The following SLC36A2 variants were observed in gnomAD, a reference collection of about 807,000 sequenced individuals.
SLC36A2 encodes proton-coupled amino acid transporter 2.
A neutral mutation model predicts 42.7 loss-of-function variants in SLC36A2; 39 were observed. The observed-to-expected ratio is 0.91, with a 90% confidence interval of 0.71 to 1.19. The LOEUF is 1.19. SLC36A2 is among the 50% of genes most tolerant of loss of function. The pLI, the probability that SLC36A2 is intolerant of heterozygous loss-of-function variation, is 0.00. For synonymous variants in SLC36A2, 237 were observed against 240.8 expected (o/e 0.98, Z 0.15); for missense variants, 590 against 613.7 (o/e 0.96, Z 0.41).
chr5:151,347,284 A>G lies in SLC36A2; in HGVS notation c.164+13T>C, dbSNP rs1756523321. On this transcript the variant is annotated intron_variant, in intron 1 of 9. Coordinates refer to ENST00000335244, the MANE Select transcript of SLC36A2 (RefSeq NM_181776.3). ...AGAAAGCAGAAATAGGGATGGCAGA[A>G]AACAGCACTCACGTTATGCCCTTGG... is the stretch of plus-strand genomic sequence containing the variant. The G allele has an allele frequency of 6.2e-7, 1 of 1,614,138 alleles. No homozygotes were observed. Among genetic ancestry groups the G allele is most frequent in the South Asian group, 1.1e-5 (1 of 91,078 alleles).
chr5:151,330,155 T>C (rs937104301), intron 7 of SLC36A2, among the ~76,000 whole-genome samples: 2 of 152,096 alleles, frequency 1.3e-5, no homozygotes, highest in African/African-American at 4.8e-5. Context: ...AAAAAACCTT[T>C]GAAAAAAATA....
chr5:151,338,681 G>GAAAAA (rs113529350), intron 5 of SLC36A2: 25 of 182,162 alleles, frequency 1.4e-4, no homozygotes, highest in Admixed American at 4.4e-4. Context: ...GTCTCAAAAA[G>GAAAAA]AAAAAAAAAA....
At chr5:151,319,094 T>G in intron 9 of SLC36A2, 1 of 910,700 alleles carries the variant, frequency 1.1e-6, no homozygotes, top group Non-Finnish European at 1.3e-6. Flanking sequence ...GCTACTATCC[T>G]TTTAGGTATT....
At chr5:151,336,097 C>T (rs994834574) in intron 5 of SLC36A2, among the ~76,000 whole-genome samples, 1 of 152,052 alleles carries the variant, frequency 6.6e-6, no homozygotes, top group African/African-American at 2.4e-5. Context: ...TAGCTTTTAG[C>T]AACTAGTATC....
intron 2 of SLC36A2, 64 bp downstream of exon 2, chr5:151,344,113 G>A: frequency 1.4e-6 from 2 of 1,474,968 alleles, no homozygotes; most frequent in Non-Finnish European, 1.9e-6. Flanking sequence ...AACCGCTAGA[G>A]CCTCTCCTCT....
chr5:151,336,282 T>C (rs1456716984), intron 5 of SLC36A2, among the ~76,000 whole-genome samples: 1 of 152,128 alleles, frequency 6.6e-6, no homozygotes, highest in Non-Finnish European at 1.5e-5. Flanking sequence ...CATAGGGACC[T>C]AAGGACGGAC....
chr5:151,344,054 A>G (rs978496178), intron 2 of SLC36A2, 123 bp downstream of exon 2: 3 of 886,388 alleles, frequency 3.4e-6, no homozygotes, highest in Non-Finnish European at 5.5e-6. Context: ...CTAGACCCTA[A>G]CCCCGCACCA....
At chr5:151,325,613 G>C (rs756332573) in intron 7 of SLC36A2, among the ~76,000 whole-genome samples, 161 bp from the exon 8 acceptor site, 19 of 152,200 alleles carry the variant, frequency 1.2e-4, no homozygotes, top group Non-Finnish European at 2.5e-4. Context: ...TAGCCAAAAG[G>C]TGGAAGCAAC....
chr5:151,318,625 T>G (rs1027374014), intron 9 of SLC36A2, among the ~76,000 whole-genome samples: 18 of 147,118 alleles, frequency 1.2e-4, no homozygotes, highest in African/African-American at 4.4e-4. Flanking sequence ...TATAAATAAA[T>G]AAATTATTTT....
intron 5 of SLC36A2, among the ~76,000 whole-genome samples, chr5:151,337,143 C>T (rs1022166938): frequency 6.6e-6 from 1 of 152,150 alleles, no homozygotes; most frequent in Non-Finnish European, 1.5e-5. Context: ...CATAAATGGG[C>T]CCTATCAAAC....
At chr5:151,321,683 T>C (rs1490336068) in intron 9 of SLC36A2, among the ~76,000 whole-genome samples, 2 of 21,814 alleles carry the variant, frequency 9.2e-5, no homozygotes, top group Non-Finnish European at 1.9e-4. Context: ...GACTGATTCT[T>C]TTTTTTTTTT....
chr5:151,344,424 A>G (rs1756436955), intron 1 of SLC36A2, among the ~76,000 whole-genome samples, 157 bp from the exon 2 acceptor site: 1 of 152,212 alleles, frequency 6.6e-6, no homozygotes, highest in African/African-American at 2.4e-5. Flanking sequence ...CTGTAGGGTT[A>G]CCAACCATCC....
intron 1 of SLC36A2, among the ~76,000 whole-genome samples, chr5:151,345,602 A>G (rs1293480248): frequency 1.3e-5 from 2 of 151,880 alleles, no homozygotes; most frequent in Non-Finnish European, 2.9e-5. Flanking sequence ...GTGGGTGTCC[A>G]CATCGCTGAC....
chr5:151,327,703 A>T (rs1291065891), intron 7 of SLC36A2, among the ~76,000 whole-genome samples: 1 of 152,194 alleles, frequency 6.6e-6, no homozygotes, highest in African/African-American at 2.4e-5. Flanking sequence ...AAGGCCAAAA[A>T]TGATCTTTTC....
At chr5:151,337,380 C>T (rs879916632) in intron 5 of SLC36A2, among the ~76,000 whole-genome samples, 1 of 152,154 alleles carries the variant, frequency 6.6e-6, no homozygotes, top group African/African-American at 2.4e-5. Context: ...TAGTTTGCAC[C>T]CTGACCTCAC....
chr5:151,325,075 A>T (rs939919671), intron 8 of SLC36A2: 1 of 640,974 alleles, frequency 1.6e-6, no homozygotes, highest in Non-Finnish European at 2.8e-6. Flanking sequence ...TCACACTAAG[A>T]TGTCAAGGCT....
rs752730755 is a variant in SLC36A2, at chr5:151,335,335, A to T, written c.738T>A (p.Ile246=). The stretch of plus-strand genomic sequence containing the variant: ...GTGCATGGTGTGCACTCACCTGGGT[A>T]ATGTACTGTATGATGATGACCAAGC... ...LVSLVIIIQY[I]TQEIPDPSRL... The change falls in exon 6 of 10, where the codon ATT becomes ATA. Residue 246 remains isoleucine (I), a synonymous_variant. Transcript: ENST00000335244. 6.2e-7 allele frequency: 1 copy of T among 1,611,452 alleles called. No homozygotes were observed. The highest frequency in any genetic ancestry group is 8.5e-7 in the Non-Finnish European group (1 of 1,178,552).
intron 3 of SLC36A2, among the ~76,000 whole-genome samples, chr5:151,343,206 C>T (rs556017673): frequency 5.3e-5 from 8 of 152,162 alleles, no homozygotes; most frequent in Non-Finnish European, 1.0e-4. Flanking sequence ...TAATGCACAC[C>T]TTGCACGGGG....
In SLC36A2 at chr5:151,339,085, A is replaced by G. The variant is rs775453058; in HGVS notation, c.500T>C (p.Val167Ala). The G allele has an allele frequency of 3.7e-6, 6 of 1,610,770 alleles. No individual in the cohort carries two copies. The highest frequency in any genetic ancestry group is 5.1e-6 in the Non-Finnish European group (6 of 1,177,732). Residue 167 changes from valine (V) to alanine (A), a missense_variant, in exon 5 of 10, where the codon GTG (valine) becomes GCG (alanine). Coordinates refer to ENST00000335244, the MANE Select transcript of SLC36A2 (RefSeq NM_181776.3). Reference protein sequence around the residue: ...TQLGFCCVYIVFLADNLKQVV... With the variant: ...TQLGFCCVYIAFLADNLKQVV... ...CTGTTTTAAATTATCAGCCAAAAAC[A>G]CAATGTACACACAGCAGAAGCCAAG...
Sources: gnomAD v4.1 joint callset for allele counts (sites outside exome capture counted in the v4.1 genomes callset) on GRCh38, gnomAD v4.1.1 for gene constraint, MANE v1.5 for transcripts, NCBI Gene and HGNC (gene_info 2026-07-23, HGNC 2026-07-21) for gene names.